Variants in TMEM207 observed in about 807,000 individuals in gnomAD.
TMEM207 encodes the protein transmembrane protein 207.
In TMEM207, 15 loss-of-function variants were observed where a neutral mutation model predicts 17.4. The ratio of observed to expected loss-of-function variants is 0.86; its 90% CI spans 0.58 to 1.33. TMEM207 has a LOEUF of 1.33. TMEM207 is among the 40% of genes most tolerant of loss of function. The pLI, the probability that TMEM207 is intolerant of heterozygous loss-of-function variation, is 0.00. For missense variants in TMEM207, 205 were observed against 173.8 expected, an observed-to-expected ratio of 1.18 and a Z score of -1.01; for synonymous variants, 70 against 65.6, an observed-to-expected ratio of 1.07 and a Z score of -0.33.
chr3:190,439,041 G>C (rs1156522857), intron 4 of TMEM207, among the ~76,000 whole-genome samples: 1 of 151,946 alleles, frequency 6.6e-6, no homozygotes, highest in Non-Finnish European at 1.5e-5. Context: ...GCCGGGCGTG[G>C]TGGCGGGCGC....
At chr3:190,440,216 A>ATTTT in intron 4 of TMEM207, 28 bp downstream of exon 4, 1 of 1,578,666 alleles carries the variant, frequency 6.3e-7, no homozygotes, top group African/African-American at 1.4e-5. Context: ...GTATCAAAAA[A>ATTTT]GAGTCCAGAA....
chr3:190,434,917 A>G (rs1460757080), intron 4 of TMEM207, among the ~76,000 whole-genome samples: 1 of 152,196 alleles, frequency 6.6e-6, no homozygotes, highest in Admixed American at 6.5e-5. Flanking sequence ...CTGAAGAAAA[A>G]AAGAAGAATT....
In TMEM207 at chr3:190,440,019, T is replaced by C. The variant is rs368878714; in HGVS notation, c.304+225A>G. Among the ~76,000 whole-genome samples, 12 of 152,212 alleles carry C rather than the reference T, an allele frequency of 7.9e-5. No homozygotes were observed. In the East Asian group the frequency reaches 1.3e-3, roughly 17 times the overall value. On this transcript the variant is annotated intron_variant, in intron 4 of 4. Coordinates refer to ENST00000354905, the MANE Select transcript of TMEM207 (RefSeq NM_207316.3). ...CAACAAAATATTTAGTTGCTTTCCT[T>C]ATACTTAACTGTGGGTCAGTTCCCA...
At chr3:190,449,323 G>T (rs559396406) in intron 1 of TMEM207, among the ~76,000 whole-genome samples, 1 of 152,144 alleles carries the variant, frequency 6.6e-6, no homozygotes, top group Non-Finnish European at 1.5e-5. Flanking sequence ...TCCTAAAATG[G>T]TTCTGTCTAC....
Position 190,429,645 on chromosome 3 carries a change from CA to C in TMEM207, c.390del (p.Phe130LeufsTer4). On this transcript the variant is annotated frameshift_variant, in exon 5 of 5. Transcript: ENST00000354905. LOFTEE classifies it high-confidence loss of function. ...PDLYPVPAPC[F>X]GPLGSPPPYE... is the part of the protein sequence containing the mutation. ...TATGGAGGTGGGGAGCCTAAAGGGC[CA>C]AAACATGGAGCAGGAACAGGATATA... 1 of 1,613,324 alleles carries C rather than the reference CA, an allele frequency of 6.2e-7. No homozygotes were observed. The highest frequency in any genetic ancestry group is 8.5e-7 in the Non-Finnish European group (1 of 1,179,616).
chr3:190,430,009 C>T (rs1371512414), intron 4 of TMEM207, among the ~76,000 whole-genome samples: 2 of 152,106 alleles, frequency 1.3e-5, no homozygotes, highest in East Asian at 1.9e-4. Context: ...GAAGGAATAT[C>T]TTCTTTTGTA....
At chr3:190,432,371 C>T (rs1248740642) in intron 4 of TMEM207, among the ~76,000 whole-genome samples, 1 of 152,088 alleles carries the variant, frequency 6.6e-6, no homozygotes, top group Non-Finnish European at 1.5e-5. Context: ...TCTCTAAGTG[C>T]CTTTGTTCCC....
At chr3:190,443,145 C>CTTTTTTT (rs201791052) in intron 2 of TMEM207, among the ~76,000 whole-genome samples, 5 of 140,324 alleles carry the variant, frequency 3.6e-5, no homozygotes, top group African/African-American at 5.2e-5. Context: ...ATTAAAAAAG[C>CTTTTTTT]TTTTTTTTTT....
At chr3:190,443,977 T>C (rs567679196) in intron 2 of TMEM207, among the ~76,000 whole-genome samples, 11 of 152,344 alleles carry the variant, frequency 7.2e-5, no homozygotes, top group East Asian at 1.9e-4. Context: ...TTTTGTTACT[T>C]TGATGTCATG....
chr3:190,439,045 C>G (rs542155125), intron 4 of TMEM207, among the ~76,000 whole-genome samples: 7 of 151,738 alleles, frequency 4.6e-5, no homozygotes, highest in South Asian at 2.1e-4. Context: ...GGCGTGGTGG[C>G]GGGCGCCTGT....
At chr3:190,443,145 C>CTTTTTTTTTTTTT in intron 2 of TMEM207, among the ~76,000 whole-genome samples, 1 of 140,336 alleles carries the variant, frequency 7.1e-6, no homozygotes, top group South Asian at 2.3e-4. Context: ...ATTAAAAAAG[C>CTTTTTTTTTTTTT]TTTTTTTTTT....
At chr3:190,449,381 A>G (rs1720113702) in intron 1 of TMEM207, among the ~76,000 whole-genome samples, 1 of 152,242 alleles carries the variant, frequency 6.6e-6, no homozygotes, top group African/African-American at 2.4e-5. Context: ...GGTTGTAGGC[A>G]ATAGTAAACA....
At chr3:190,436,481 G>T (rs112865640) in intron 4 of TMEM207, among the ~76,000 whole-genome samples, 9 of 152,186 alleles carry the variant, frequency 5.9e-5, no homozygotes, top group Non-Finnish European at 1.3e-4. Flanking sequence ...TGGTGTGGGC[G>T]TATGAATCCT....
intron 2 of TMEM207, among the ~76,000 whole-genome samples, chr3:190,442,510 T>G (rs1400523530): frequency 6.6e-6 from 1 of 152,284 alleles, no homozygotes; most frequent in African/African-American, 2.4e-5. Context: ...ATTTAAAAAT[T>G]CTATCACAAA....
At chr3:190,444,463 A>G (rs1720003009) in intron 2 of TMEM207, 1 of 984,890 alleles carries the variant, frequency 1.0e-6, no homozygotes. Flanking sequence ...GAATGAATCC[A>G]GTATCCCGTG....
chr3:190,444,375 C>G (rs757210425), intron 2 of TMEM207: 2 of 979,236 alleles, frequency 2.0e-6, no homozygotes, highest in Non-Finnish European at 2.4e-6. Flanking sequence ...GAGTTCATGT[C>G]TCTTATCACC....
At chr3:190,439,576 G>A (rs1046955540) in intron 4 of TMEM207, among the ~76,000 whole-genome samples, 1 of 152,158 alleles carries the variant, frequency 6.6e-6, no homozygotes, top group East Asian at 1.9e-4. Flanking sequence ...AAATCAGTAA[G>A]TTGTTTTTTT....
chr3:190,442,733 C>T (rs1719961158), intron 2 of TMEM207, among the ~76,000 whole-genome samples: 1 of 150,550 alleles, frequency 6.6e-6, no homozygotes, highest in Middle Eastern at 3.2e-3. Flanking sequence ...GACAAATGGC[C>T]ATGAATAAAA....
chr3:190,444,535 G>A (rs1720004825), intron 2 of TMEM207: 6 of 827,848 alleles, frequency 7.2e-6, no homozygotes, highest in Non-Finnish European at 8.7e-6. Context: ...TGAGAGCCTG[G>A]TGAGGATCAG....
Sources: gnomAD v4.1 joint callset for allele counts (sites outside exome capture counted in the v4.1 genomes callset) on GRCh38, gnomAD v4.1.1 for gene constraint, MANE v1.5 for transcripts, NCBI Gene and HGNC (gene_info 2026-07-23, HGNC 2026-07-21) for gene names.